IL1RL1: variants seen among roughly 807,000 people sequenced by gnomAD.
The protein encoded by IL1RL1 is interleukin-1 receptor-like 1.
Under a neutral mutation model 50.9 loss-of-function variants are expected in IL1RL1, and 32 were observed. The observed-to-expected ratio is 0.63, with a 90% CI of 0.47 to 0.84. The LOEUF is 0.84. IL1RL1 is among the 40% of genes least tolerant of loss of function. The pLI is 0.00. For synonymous variants in IL1RL1, 275 were observed against 236.0 expected (o/e 1.17, Z -1.51); for missense variants, 773 against 662.9 (o/e 1.17, Z -1.82).
At chr2:102,347,381 A>T (rs537198780) in intron 8 of IL1RL1, among the ~76,000 whole-genome samples, 1 of 152,232 alleles carries the variant, frequency 6.6e-6, no homozygotes, top group Non-Finnish European at 1.5e-5. Context: ...TGTGACCTTC[A>T]GAATAAGGCA....
At position 102,351,633 on chromosome 2, in the gene IL1RL1, G is replaced by C. The variant is rs1014749944; in HGVS notation, c.1383G>C (p.Glu461Asp). Residue 461 changes from glutamate to aspartate, a missense_variant, in exon 11 of 11, where the codon GAG becomes GAC. Transcript: ENST00000233954. ...QITHNKEFAY[E>D]QEVALHCALI... ...CTCACAATAAGGAGTTTGCCTACGAGCAGGAGGTTGCCCTGCACTGTGCCC... is the reference window on the plus strand; with the variant it reads ...CTCACAATAAGGAGTTTGCCTACGACCAGGAGGTTGCCCTGCACTGTGCCC... The C allele has an allele frequency of 6.2e-7, 1 of 1,614,110 alleles. No homozygotes were observed. Among genetic ancestry groups the C allele is most frequent in the Non-Finnish European group, 8.5e-7 (1 of 1,180,010 alleles).
At chr2:102,330,359 A>AAG (rs1677141891) in intron 1 of IL1RL1, among the ~76,000 whole-genome samples, 1 of 144,806 alleles carries the variant, frequency 6.9e-6, no homozygotes. Context: ...GGGAGGGGGG[A>AAG]GGCATAGCAT....
intron 1 of IL1RL1, among the ~76,000 whole-genome samples, chr2:102,312,478 T>C (rs1676546902): frequency 6.6e-6 from 1 of 151,984 alleles, no homozygotes; most frequent in Non-Finnish European, 1.5e-5. Flanking sequence ...CTTTATAGTA[T>C]ACACACAGAG....
At chr2:102,345,179 T>C in intron 8 of IL1RL1, 1 of 949,960 alleles carries the variant, frequency 1.1e-6, no homozygotes. Flanking sequence ...GCCCAGACAA[T>C]GTGAAACATC....
chr2:102,326,578 A>T (rs999897825), intron 1 of IL1RL1, among the ~76,000 whole-genome samples: 2 of 152,184 alleles, frequency 1.3e-5, no homozygotes, highest in Non-Finnish European at 2.9e-5. Flanking sequence ...AAGAGTCAAG[A>T]CCCATCAGTG....
At chr2:102,343,978 T>C in intron 8 of IL1RL1, 1 of 788,448 alleles carries the variant, frequency 1.3e-6, no homozygotes, top group Non-Finnish European at 1.5e-6. Flanking sequence ...TATAAAGAAA[T>C]ACCTGAGACT....
chr2:102,328,343 A>G (rs910655513), intron 1 of IL1RL1, among the ~76,000 whole-genome samples: 9 of 152,144 alleles, frequency 5.9e-5, no homozygotes, highest in Non-Finnish European at 1.3e-4. Context: ...TTAGGTATTG[A>G]TGGGACGTAT....
intron 1 of IL1RL1, among the ~76,000 whole-genome samples, chr2:102,329,973 G>A (rs1311077353): frequency 3.9e-5 from 6 of 152,150 alleles, no homozygotes; most frequent in Non-Finnish European, 2.9e-5. Flanking sequence ...ATTTGACTCA[G>A]CCATCCCATT....
intron 1 of IL1RL1, among the ~76,000 whole-genome samples, chr2:102,315,019 T>C (rs967937284): frequency 6.6e-6 from 1 of 152,216 alleles, no homozygotes; most frequent in Non-Finnish European, 1.5e-5. Context: ...CTGCTTTCTG[T>C]CTTTGCTTTC....
chr2:102,324,965 G>C (rs1159852479), intron 1 of IL1RL1, among the ~76,000 whole-genome samples: 1 of 152,226 alleles, frequency 6.6e-6, no homozygotes, highest in African/African-American at 2.4e-5. Flanking sequence ...AACCTCTGCA[G>C]ACTTAAATGA....
At chr2:102,314,187 T>C (rs77814562) in intron 1 of IL1RL1, among the ~76,000 whole-genome samples, 4,229 of 152,318 alleles carry the variant, frequency 0.028, 177 homozygotes, top group African/African-American at 0.096. Flanking sequence ...GACTGCTATG[T>C]GCCAGACCCT....
intron 8 of IL1RL1, chr2:102,344,046 A>G: frequency 2.8e-6 from 1 of 363,366 alleles, no homozygotes; most frequent in Non-Finnish European, 3.8e-6. Context: ...CTGTATGGGA[A>G]GCATGGCGGC....
In IL1RL1 at chr2:102,352,026, G is replaced by C; in HGVS notation, c.*105G>C. 2 of 1,144,302 alleles carry C rather than the reference G, an allele frequency of 1.7e-6. No homozygotes were observed. The highest frequency in any genetic ancestry group is 2.5e-6 in the Non-Finnish European group (2 of 811,676). 70.9% of individuals were successfully genotyped at this position (1,144,302 alleles called of 1,614,324 possible). ...GTGTGAGGAGCAGGAATATTAAAGG[G>C]ATTCAGGCCTCAGGTTTCATCTGGT... On this transcript the variant is annotated 3_prime_UTR_variant, in exon 11 of 11. Coordinates refer to ENST00000233954, the MANE Select transcript of IL1RL1 (RefSeq NM_016232.5).
At chr2:102,342,067 G>C (rs1454593078) in intron 5 of IL1RL1, among the ~76,000 whole-genome samples, 156 bp from the exon 6 acceptor site, 1 of 151,466 alleles carries the variant, frequency 6.6e-6, no homozygotes, top group African/African-American at 2.4e-5. Flanking sequence ...GTGTGTGTGT[G>C]TGTGTGTGTG....
At chr2:102,326,242 T>C (rs1208860008) in intron 1 of IL1RL1, among the ~76,000 whole-genome samples, 2 of 152,110 alleles carry the variant, frequency 1.3e-5, no homozygotes, top group East Asian at 1.9e-4. Context: ...ATTTCATATC[T>C]AGCCAAACTA....
Position 102,349,225 on chromosome 2 carries a change from A to G in IL1RL1, c.1264A>G (p.Arg422Gly). The G allele has an allele frequency of 1.2e-6, 2 of 1,613,594 alleles. No homozygotes were observed. The highest frequency in any genetic ancestry group is 1.7e-6 in the Non-Finnish European group (2 of 1,179,542). ...KCGYTLCIYG[R>G]DMLPGEDVVT... ...TGGCTATACCTTATGCATTTATGGG[A>G]GAGATATGCTACCTGGAGAAGGTAA... is the stretch of plus-strand genomic sequence containing the variant. Residue 422 changes from arginine to glycine, a missense_variant, in exon 10 of 11, where the codon AGA becomes GGA. Coordinates refer to ENST00000233954, the MANE Select transcript of IL1RL1 (RefSeq NM_016232.5).
intron 2 of IL1RL1, 82 bp from the exon 3 acceptor site, chr2:102,338,755 T>C: frequency 9.2e-7 from 1 of 1,089,800 alleles, no homozygotes; most frequent in Non-Finnish European, 1.4e-6. Context: ...AATTTAATCC[T>C]AGAAGAAAAT....
chr2:102,332,418 G>A (rs1559599951), intron 1 of IL1RL1, among the ~76,000 whole-genome samples: 1 of 152,152 alleles, frequency 6.6e-6, no homozygotes, highest in Non-Finnish European at 1.5e-5. Flanking sequence ...CCCATTAAGG[G>A]ATGAATGGAT....
chr2:102,351,337 C>A (rs1216240394), intron 10 of IL1RL1, among the ~76,000 whole-genome samples, 199 bp from the exon 11 acceptor site: 2 of 151,870 alleles, frequency 1.3e-5, no homozygotes, highest in Non-Finnish European at 2.9e-5. Context: ...GACATTGGGG[C>A]TGATATTCTC....
Sources: allele counts gnomAD v4.1 joint callset (sites outside exome capture counted in the v4.1 genomes callset), GRCh38; gene constraint gnomAD v4.1.1; transcripts MANE v1.5; gene names NCBI Gene and HGNC (gene_info 2026-07-23, HGNC 2026-07-21).